SLC31A1: variants seen among roughly 807,000 people sequenced by gnomAD.
The protein encoded by SLC31A1 is solute carrier family 31 member 1.
SLC31A1 carries 5 observed loss-of-function variants against 17.2 expected under a neutral mutation model. The ratio of observed to expected loss-of-function variants is 0.29; its 90% CI spans 0.15 to 0.61. The LOEUF (loss-of-function observed/expected upper bound fraction) is 0.61. Ranked by LOEUF, SLC31A1 falls within the 20% of genes least tolerant of loss-of-function variation. SLC31A1 has a pLI of 0.86. For missense variants in SLC31A1, 161 were observed against 241.4 expected (o/e 0.67, Z 2.21); for synonymous variants, 76 against 78.8 (o/e 0.96, Z 0.19).
intron 1 of SLC31A1, among the ~76,000 whole-genome samples, chr9:113,237,905 T>C (rs192678012): frequency 3.7e-4 from 56 of 152,316 alleles, no homozygotes; most frequent in African/African-American, 1.1e-3. Context: ...AGACTGCATA[T>C]AGCCTTTACC....
At chr9:113,233,310 A>G (rs557999118) in intron 1 of SLC31A1, among the ~76,000 whole-genome samples, 6 of 152,204 alleles carry the variant, frequency 3.9e-5, no homozygotes, top group Non-Finnish European at 5.9e-5. Flanking sequence ...GAAAGGGGAA[A>G]TATCTTTTCT....
Position 113,260,884 on chromosome 9 carries a change from AG to A in SLC31A1, c.*415del. The A allele has an allele frequency of 6.4e-6, 2 of 313,400 alleles. No individual in the cohort carries two copies. The highest frequency in any genetic ancestry group is 5.6e-5 in the South Asian group (2 of 35,586). The allele number at this position is 313,400 out of a possible 1,614,324, so 19.4% of individuals were successfully genotyped here. A position where few individuals can be genotyped will look rare whatever the true frequency, so the allele number is the denominator to read the frequency against. Reference sequence around the variant, plus strand: ...TTTTTCCCCTGGGTCAGTGATGGAAAGGGGTTAACTTCAGCCAGGATTGATG... The same window carrying A: ...TTTTTCCCCTGGGTCAGTGATGGAAAGGGTTAACTTCAGCCAGGATTGATG... On this transcript the variant is annotated 3_prime_UTR_variant, in exon 5 of 5. Transcript: ENST00000374212.
intron 1 of SLC31A1, among the ~76,000 whole-genome samples, chr9:113,245,846 C>T (rs1046204645): frequency 4.6e-5 from 7 of 152,012 alleles, no homozygotes; most frequent in South Asian, 2.1e-4. Flanking sequence ...GTTGCCCAGG[C>T]GGGTCTGAAA....
intron 1 of SLC31A1, among the ~76,000 whole-genome samples, chr9:113,244,121 C>CTCCA (rs1395699927): frequency 7.0e-6 from 1 of 143,268 alleles, no homozygotes; most frequent in Non-Finnish European, 1.5e-5. Flanking sequence ...TACCACTGTA[C>CTCCA]TCCAGCCTGG....
chr9:113,233,836 A>G (rs1165306315), intron 1 of SLC31A1, among the ~76,000 whole-genome samples: 1 of 152,268 alleles, frequency 6.6e-6, no homozygotes, highest in Non-Finnish European at 1.5e-5. Flanking sequence ...CACAATAATT[A>G]ATAATTGCAC....
In SLC31A1 at chr9:113,263,432, T is replaced by C. The variant is rs187518939; in HGVS notation, c.*2959T>C. On this transcript the variant is annotated 3_prime_UTR_variant, in exon 5 of 5. Transcript: ENST00000374212. ...TACCTGTTCATTTGGAATTTAATGC[T>C]TGACTTCTTTGTTCATTTTGGATCT... 2.8e-3 allele frequency: 427 copies of C among 152,792 alleles called. 4 individuals carry two copies. Among genetic ancestry groups the C allele is most frequent in the African/African-American group, 0.01 (417 of 41,578 alleles). 9.5% of individuals were successfully genotyped at this position (152,792 alleles called of 1,614,324 possible).
At chr9:113,239,156 TTGAATACCTTC>T (rs1288524176) in intron 1 of SLC31A1, among the ~76,000 whole-genome samples, 2 of 152,158 alleles carry the variant, frequency 1.3e-5, no homozygotes, top group Non-Finnish European at 2.9e-5. Flanking sequence ...GAGCCGGGAT[TTGAATACCTTC>T]TGACTCCAGA....
intron 1 of SLC31A1, among the ~76,000 whole-genome samples, chr9:113,236,427 G>A (rs1027176152): frequency 6.6e-6 from 1 of 151,592 alleles, no homozygotes; most frequent in African/African-American, 2.4e-5. Context: ...GCAGTGGTGC[G>A]ATCTCGGCTC....
At chr9:113,247,614 C>A (rs1831596563) in intron 1 of SLC31A1, among the ~76,000 whole-genome samples, 1 of 152,116 alleles carries the variant, frequency 6.6e-6, no homozygotes, top group Non-Finnish European at 1.5e-5. Context: ...GTCTGTCTTG[C>A]AGGTGATGGG....
chr9:113,256,378 G>A lies in SLC31A1; in HGVS notation c.129+101G>A, dbSNP rs927389404. On this transcript the variant is annotated intron_variant, in intron 2 of 4. Coordinates refer to ENST00000374212, the MANE Select transcript of SLC31A1 (RefSeq NM_001859.4). ...GGAAGCTTATTATCTTTAAAGGTCA[G>A]TTTACCAGTGAGGATAACTAAAGCA... is the stretch of plus-strand genomic sequence containing the variant. 2.2e-6 allele frequency: 3 copies of A among 1,369,696 alleles called. No homozygotes were observed. The African/African-American group carries it at 4.3e-5, about 20-fold the overall frequency. The allele number at this position is 1,369,696 out of a possible 1,614,324, so 84.8% of individuals were successfully genotyped here.
At chr9:113,251,533 A>T (rs2119010321) in intron 1 of SLC31A1, among the ~76,000 whole-genome samples, 1 of 152,356 alleles carries the variant, frequency 6.6e-6, no homozygotes, top group Non-Finnish European at 1.5e-5. Context: ...AGCTTAAGTC[A>T]GATTAAAGCT....
Position 113,258,646 on chromosome 9 carries a change from A to C in SLC31A1, c.203-48A>C. 1 of 1,603,308 alleles carries C rather than the reference A, an allele frequency of 6.2e-7. No individual in the cohort carries two copies. The highest frequency in any genetic ancestry group is 8.5e-7 in the Non-Finnish European group (1 of 1,171,300). Reference sequence around the variant, plus strand: ...TAGCTGGACAGCACATTGGCTAATGATTTTGCACATGTTTGACAGTACCTC... The same window carrying C: ...TAGCTGGACAGCACATTGGCTAATGCTTTTGCACATGTTTGACAGTACCTC... On this transcript the variant is annotated intron_variant, in intron 3 of 4. Transcript: ENST00000374212. The surrounding 1 kb of genome is among the most constrained non-coding windows in gnomAD (Gnocchi z 4.8).
intron 1 of SLC31A1, among the ~76,000 whole-genome samples, chr9:113,222,522 G>A (rs1319845846): frequency 6.6e-6 from 1 of 152,186 alleles, no homozygotes; most frequent in Non-Finnish European, 1.5e-5. Context: ...GTGTCCCAGC[G>A]TAGCGTCCAC....
intron 1 of SLC31A1, among the ~76,000 whole-genome samples, chr9:113,237,350 A>C (rs187754761): frequency 6.6e-6 from 1 of 152,330 alleles, no homozygotes; most frequent in East Asian, 1.9e-4. Context: ...TTGTCAGAGC[A>C]CTAGGATAGC....
Position 113,262,082 on chromosome 9 carries a change from C to T in SLC31A1, c.*1609C>T, listed in dbSNP as rs1831799467. 6.6e-6 allele frequency: 1 copy of T among 152,360 alleles called. No individual in the cohort carries two copies. The highest frequency in any genetic ancestry group is 1.5e-5 in the Non-Finnish European group (1 of 68,030). 9.4% of individuals were successfully genotyped at this position (152,360 alleles called of 1,614,324 possible). A position where few individuals can be genotyped will look rare whatever the true frequency, so the allele number is the denominator to read the frequency against. ...GAAGTAGTTTGATTGTTGAGAGAGA[C>T]CTTTGATCTGCAGTGTAAATCTACC... On this transcript the variant is annotated 3_prime_UTR_variant, in exon 5 of 5. Transcript: ENST00000374212.
At chr9:113,243,891 C>A (rs575759161) in intron 1 of SLC31A1, among the ~76,000 whole-genome samples, 2 of 152,058 alleles carry the variant, frequency 1.3e-5, no homozygotes, top group African/African-American at 4.8e-5. Flanking sequence ...CAGTGGCTCA[C>A]GCCTGTAATC....
At chr9:113,223,596 A>G (rs148540511) in intron 1 of SLC31A1, among the ~76,000 whole-genome samples, 14 of 152,338 alleles carry the variant, frequency 9.2e-5, no homozygotes, top group Admixed American at 2.0e-4. Flanking sequence ...GCTTAAGTAT[A>G]CAACTTTTAG....
intron 1 of SLC31A1, among the ~76,000 whole-genome samples, chr9:113,228,833 T>A (rs1485592752): frequency 6.6e-6 from 1 of 151,976 alleles, no homozygotes; most frequent in Non-Finnish European, 1.5e-5. Context: ...AATAAAGGAG[T>A]TGGATTTGAT....
At position 113,262,674 on chromosome 9, in the gene SLC31A1, T is replaced by C. The variant is rs1831806641; in HGVS notation, c.*2201T>C. On this transcript the variant is annotated 3_prime_UTR_variant, in exon 5 of 5. Coordinates refer to ENST00000374212, the MANE Select transcript of SLC31A1 (RefSeq NM_001859.4). Reference sequence around the variant, plus strand: ...TTCCATCACTTTGTAATGATGATACTTAACATGAGCAGGGTGAATGACAGG... The same window carrying C: ...TTCCATCACTTTGTAATGATGATACCTAACATGAGCAGGGTGAATGACAGG... 1 of 152,650 alleles carries C rather than the reference T, an allele frequency of 6.6e-6. No homozygotes were observed. The highest frequency in any genetic ancestry group is 6.5e-5 in the Admixed American group (1 of 15,282). The allele number at this position is 152,650 out of a possible 1,614,324, so 9.5% of individuals were successfully genotyped here.
Sources: allele counts gnomAD v4.1 joint callset (sites outside exome capture counted in the v4.1 genomes callset), GRCh38; gene constraint gnomAD v4.1.1; non-coding constraint Gnocchi (gnomAD v3.1); transcripts MANE v1.5; gene names NCBI Gene and HGNC (gene_info 2026-07-23, HGNC 2026-07-21).